The following LRRFIP1 variants were observed in gnomAD, a reference collection of about 807,000 sequenced individuals.
LRRFIP1 encodes the protein leucine-rich repeat flightless-interacting protein 1.
Under a neutral mutation model 104.4 loss-of-function variants are expected in LRRFIP1, and 62 were observed. That is an observed-to-expected ratio of 0.59 (90% confidence interval 0.48 to 0.73). LRRFIP1 has a LOEUF of 0.73. Ranked by LOEUF, LRRFIP1 falls within the 30% of genes least tolerant of loss-of-function variation. LRRFIP1 has a pLI of 0.00. For synonymous variants in LRRFIP1, 300 were observed against 299.0 expected, an observed-to-expected ratio of 1.00 and a Z score of -0.03; for missense variants, 796 against 824.5, an observed-to-expected ratio of 0.97 and a Z score of 0.42.
At position 237,758,419 on chromosome 2, in the gene LRRFIP1, G is replaced by A. The variant is rs545018250; in HGVS notation, c.1225-310G>A. 2.6e-5 allele frequency among the ~76,000 whole-genome samples: 4 copies of A among 152,334 alleles called. No homozygotes were observed. In the East Asian group the frequency reaches 7.7e-4, roughly 29 times the overall value. ...GGAGACTTTGCGTAACTCTAACGCAGCTGTGAACACGCAGACAAAGCTAGA... is the reference window on the plus strand; with the variant it reads ...GGAGACTTTGCGTAACTCTAACGCAACTGTGAACACGCAGACAAAGCTAGA... On this transcript the variant is annotated intron_variant, in intron 17 of 23. Coordinates refer to ENST00000308482, the MANE Select transcript of LRRFIP1 (RefSeq NM_001137550.2).
chr2:237,749,362 C>G (rs753706709), intron 13 of LRRFIP1, 38 bp downstream of exon 13: 1 of 1,605,456 alleles, frequency 6.2e-7, no homozygotes, highest in South Asian at 1.1e-5. Context: ...TTGAGAGAAC[C>G]TTTTGTAAAA....
At chr2:237,647,698 A>G (rs7596928) in intron 1 of LRRFIP1, among the ~76,000 whole-genome samples, 1,698 of 112,096 alleles carry the variant, frequency 0.015, 64 homozygotes, top group Non-Finnish European at 0.025. Context: ...ACGCCCTGTC[A>G]CCCCGTGGCC....
intron 14 of LRRFIP1, among the ~76,000 whole-genome samples, chr2:237,751,799 C>T (rs1576252613): frequency 1.3e-5 from 2 of 152,176 alleles, no homozygotes; most frequent in Admixed American, 1.3e-4. Flanking sequence ...GGAGCGTGTG[C>T]ACACTGCTTT....
At chr2:237,648,831 G>A (rs1426445101) in intron 1 of LRRFIP1, among the ~76,000 whole-genome samples, 7 of 151,628 alleles carry the variant, frequency 4.6e-5, no homozygotes, top group African/African-American at 1.7e-4. Context: ...GTGATGACCA[G>A]GCTCCCCAGG....
chr2:237,749,088 C>G (rs2058254508), intron 12 of LRRFIP1, 111 bp from the exon 13 acceptor site: 1 of 1,174,354 alleles, frequency 8.5e-7, no homozygotes, highest in Non-Finnish European at 1.2e-6. Context: ...TCTCCTCCCA[C>G]CAGGGCCGTC....
chr2:237,742,863 A>G (rs2057301615), intron 11 of LRRFIP1, among the ~76,000 whole-genome samples: 1 of 152,098 alleles, frequency 6.6e-6, no homozygotes, highest in Non-Finnish European at 1.5e-5. Flanking sequence ...TTGAGGTCAT[A>G]TGGAGCAGGC....
chr2:237,644,210 C>T (rs1192306511), intron 1 of LRRFIP1, among the ~76,000 whole-genome samples: 7 of 152,170 alleles, frequency 4.6e-5, no homozygotes, highest in South Asian at 2.1e-4. Flanking sequence ...TGCACACTGC[C>T]GGCGCGATGA....
intron 1 of LRRFIP1, among the ~76,000 whole-genome samples, chr2:237,677,620 C>T (rs1232907837): frequency 6.6e-6 from 1 of 152,150 alleles, no homozygotes; most frequent in Non-Finnish European, 1.5e-5. Flanking sequence ...AGCAAGAATC[C>T]AATCTCTACC....
intron 8 of LRRFIP1, among the ~76,000 whole-genome samples, chr2:237,732,239 C>T (rs1440503707): frequency 6.6e-6 from 1 of 152,110 alleles, no homozygotes; most frequent in East Asian, 1.9e-4. Flanking sequence ...ATAAGGTAAT[C>T]GTCTCTGAAC....
chr2:237,693,368 C>T (rs2092946303), intron 1 of LRRFIP1, among the ~76,000 whole-genome samples: 1 of 152,172 alleles, frequency 6.6e-6, no homozygotes, highest in East Asian at 1.9e-4. Context: ...TAAGATGAAT[C>T]AGACTGCCTT....
intron 8 of LRRFIP1, among the ~76,000 whole-genome samples, chr2:237,732,966 C>A (rs2095077345): frequency 6.6e-6 from 1 of 152,146 alleles, no homozygotes; most frequent in South Asian, 2.1e-4. Context: ...TTATTCTAAT[C>A]CAAGGAAGTC....
chr2:237,686,960 G>A (rs1263172149), intron 1 of LRRFIP1, among the ~76,000 whole-genome samples: 1 of 152,238 alleles, frequency 6.6e-6, no homozygotes, highest in Non-Finnish European at 1.5e-5. Context: ...CCCCTGGAGT[G>A]GGAGGTGTGG....
intron 2 of LRRFIP1, among the ~76,000 whole-genome samples, chr2:237,710,504 C>T (rs1286976677): frequency 6.6e-6 from 1 of 152,154 alleles, no homozygotes; most frequent in Non-Finnish European, 1.5e-5. Flanking sequence ...CCAGGATGGT[C>T]TCCAACTCCT....
intron 1 of LRRFIP1, among the ~76,000 whole-genome samples, chr2:237,632,217 G>T (rs552149222): frequency 1.8e-4 from 28 of 152,386 alleles, no homozygotes; most frequent in Non-Finnish European, 3.5e-4. Flanking sequence ...AGCCCCCAAG[G>T]ACTCCAGTTG....
chr2:237,629,676 T>C (rs2082081993), intron 1 of LRRFIP1, among the ~76,000 whole-genome samples: 1 of 152,170 alleles, frequency 6.6e-6, no homozygotes, highest in Non-Finnish European at 1.5e-5. Context: ...TTCACCGTGT[T>C]GGCCAGGCTG....
At chr2:237,640,459 G>C (rs887888284) in intron 1 of LRRFIP1, among the ~76,000 whole-genome samples, 2 of 152,010 alleles carry the variant, frequency 1.3e-5, no homozygotes, top group African/African-American at 4.8e-5. Context: ...TCCAGGTGTG[G>C]CTGCAGGAGA....
chr2:237,692,588 G>T, intron 1 of LRRFIP1: 1 of 1,432,434 alleles, frequency 7.0e-7, no homozygotes, highest in Non-Finnish European at 9.3e-7. Context: ...CTTCCAGCTC[G>T]TTCCGAGGTC....
chr2:237,696,891 T>C (rs1454879929), intron 1 of LRRFIP1, among the ~76,000 whole-genome samples: 1 of 152,260 alleles, frequency 6.6e-6, no homozygotes, highest in African/African-American at 2.4e-5. Flanking sequence ...GATTTCTTTT[T>C]ACCAAAGCTG....
chr2:237,676,104 T>C (rs2091120019), intron 1 of LRRFIP1, among the ~76,000 whole-genome samples: 1 of 152,240 alleles, frequency 6.6e-6, no homozygotes, highest in Non-Finnish European at 1.5e-5. Flanking sequence ...ACTGAAATTC[T>C]GTACACATTA....
Sources: allele counts gnomAD v4.1 joint callset (sites outside exome capture counted in the v4.1 genomes callset), GRCh38; gene constraint gnomAD v4.1.1; transcripts MANE v1.5; gene names NCBI Gene and HGNC (gene_info 2026-07-23, HGNC 2026-07-21).